CNTNAP5: variants seen among roughly 807,000 people sequenced by gnomAD.
CNTNAP5 encodes the protein contactin-associated protein-like 5.
A neutral mutation model predicts 150.2 loss-of-function variants in CNTNAP5; 72 were observed. That is an observed-to-expected ratio of 0.48 (90% CI 0.40 to 0.58). CNTNAP5 has a LOEUF of 0.58. CNTNAP5 is among the 20% of genes least tolerant of loss of function. The pLI, the probability that CNTNAP5 is intolerant of heterozygous loss-of-function variation, is 0.00. For missense variants in CNTNAP5, 1,636 were observed against 1,626.2 expected, an observed-to-expected ratio of 1.01 and a Z score of -0.10; for synonymous variants, 672 against 619.8, an observed-to-expected ratio of 1.08 and a Z score of -1.25.
intron 6 of CNTNAP5, among the ~76,000 whole-genome samples, chr2:124,448,503 C>G (rs1278723887): frequency 1.3e-5 from 2 of 152,054 alleles, no homozygotes; most frequent in Non-Finnish European, 2.9e-5. Flanking sequence ...TCAGTGAAAT[C>G]CCGTTGACAG....
intron 13 of CNTNAP5, among the ~76,000 whole-genome samples, chr2:124,707,680 G>T (rs1679720058): frequency 6.6e-6 from 1 of 152,078 alleles, no homozygotes; most frequent in Non-Finnish European, 1.5e-5. Context: ...TTCTGCAGTG[G>T]CTCAACCCAT....
intron 1 of CNTNAP5, among the ~76,000 whole-genome samples, chr2:124,157,328 C>T (rs1684569556): frequency 6.6e-6 from 1 of 152,100 alleles, no homozygotes; most frequent in Admixed American, 6.6e-5. Flanking sequence ...TGGAGTAATT[C>T]ATATAAAAAT....
At chr2:124,274,221 G>C (rs930178038) in intron 3 of CNTNAP5, among the ~76,000 whole-genome samples, 3 of 152,122 alleles carry the variant, frequency 2.0e-5, no homozygotes, top group African/African-American at 2.4e-5. Context: ...ACTAGCCATA[G>C]GTCAGGTGCT....
chr2:124,481,301 C>G (rs1030390250), intron 7 of CNTNAP5, among the ~76,000 whole-genome samples: 9 of 152,176 alleles, frequency 5.9e-5, no homozygotes, highest in African/African-American at 2.2e-4. Flanking sequence ...GATGAAATTT[C>G]AATATATGAA....
intron 7 of CNTNAP5, among the ~76,000 whole-genome samples, chr2:124,482,941 A>G (rs915974680): frequency 6.6e-6 from 1 of 152,218 alleles, no homozygotes; most frequent in African/African-American, 2.4e-5. Context: ...TGTCCTACAT[A>G]TAAAAGTTTG....
chr2:124,863,470 T>G (rs1677566512), intron 19 of CNTNAP5, among the ~76,000 whole-genome samples: 1 of 152,172 alleles, frequency 6.6e-6, no homozygotes, highest in Non-Finnish European at 1.5e-5. Context: ...TCCGGAAATC[T>G]GCGTGGTCAG....
chr2:124,566,161 T>C (rs191856674), intron 11 of CNTNAP5, among the ~76,000 whole-genome samples: 272 of 151,586 alleles, frequency 1.8e-3, no homozygotes, highest in African/African-American at 6.0e-3. Context: ...GCTGTCCAGA[T>C]TGTAACGTCA....
intron 1 of CNTNAP5, among the ~76,000 whole-genome samples, chr2:124,087,658 G>T (rs572305033): frequency 4.0e-5 from 6 of 151,778 alleles, no homozygotes; most frequent in Non-Finnish European, 8.8e-5. Context: ...GGAGGCGGAG[G>T]TTACAGTGAG....
rs748947523 is a variant in CNTNAP5, at chr2:124,502,887, C to A, written c.1063-1405C>A. On this transcript the variant is annotated intron_variant, in intron 7 of 23. Transcript: ENST00000682447. Reference sequence around the variant, plus strand: ...AAACATGGGTTTGTCTCCCATGTTTCCTGCTAACTAGGCACATGGCTTTTG... The same window carrying A: ...AAACATGGGTTTGTCTCCCATGTTTACTGCTAACTAGGCACATGGCTTTTG... Among the ~76,000 whole-genome samples, 106 of 152,158 alleles carry A rather than the reference C, an allele frequency of 7.0e-4. 2 individuals are homozygous for A. Among genetic ancestry groups the A allele is most frequent in the Non-Finnish European group, 1.3e-4 (9 of 68,038 alleles).
chr2:124,913,440 C>A (rs189548490), intron 23 of CNTNAP5, among the ~76,000 whole-genome samples: 59 of 152,122 alleles, frequency 3.9e-4, no homozygotes, highest in African/African-American at 1.3e-3. Flanking sequence ...AAAGGGGAAT[C>A]TGATGGGTCT....
At chr2:124,222,729 T>G (rs1408280284) in intron 2 of CNTNAP5, among the ~76,000 whole-genome samples, 1 of 85,994 alleles carries the variant, frequency 1.2e-5, no homozygotes, top group Non-Finnish European at 2.2e-5. Flanking sequence ...GGTCGTTGTG[T>G]TTTTTTTTTT....
intron 11 of CNTNAP5, among the ~76,000 whole-genome samples, chr2:124,599,647 G>T (rs2104971482): frequency 6.6e-6 from 1 of 152,270 alleles, no homozygotes; most frequent in South Asian, 2.1e-4. Context: ...CCAGTGAGAT[G>T]ATTTGTTCTT....
intron 7 of CNTNAP5, among the ~76,000 whole-genome samples, chr2:124,480,716 G>A (rs1377678054): frequency 6.6e-6 from 1 of 152,104 alleles, no homozygotes; most frequent in African/African-American, 2.4e-5. Context: ...TTGATCGAAG[G>A]AATCATTTGA....
rs72965814 is a variant in CNTNAP5 at position 124,917,799 on chromosome 2, T to C, written c.*3511T>C. The stretch of plus-strand genomic sequence containing the variant: ...GCCCTTGGGGAGCTCAAAGTCTAGC[T>C]GGCAAGGCATGTATTGTTGCAACAG... On this transcript the variant is annotated 3_prime_UTR_variant, in exon 24 of 24. Coordinates refer to ENST00000682447, the MANE Select transcript of CNTNAP5 (RefSeq NM_001367498.1). 0.031 allele frequency among the ~76,000 whole-genome samples: 4,737 copies of C among 152,148 alleles called. 268 individuals are homozygous for C. Among genetic ancestry groups the C allele is most frequent in the African/African-American group, 0.11 (4,441 of 41,524 alleles).
At chr2:124,375,133 T>C (rs931200698) in intron 3 of CNTNAP5, among the ~76,000 whole-genome samples, 3 of 152,038 alleles carry the variant, frequency 2.0e-5, no homozygotes, top group Non-Finnish European at 4.4e-5. Context: ...ACAGTAATAA[T>C]GGTCGCAATA....
intron 2 of CNTNAP5, among the ~76,000 whole-genome samples, chr2:124,223,084 A>G (rs2104742454): frequency 6.6e-6 from 1 of 152,268 alleles, no homozygotes; most frequent in South Asian, 2.1e-4. Flanking sequence ...TAGTCCTCAC[A>G]AAGTTGTTGC....
chr2:124,149,332 A>C (rs1684343440), intron 1 of CNTNAP5, among the ~76,000 whole-genome samples: 1 of 150,260 alleles, frequency 6.7e-6, no homozygotes, highest in African/African-American at 2.5e-5. Flanking sequence ...TTACAAAAAA[A>C]GGATCACTAG....
intron 13 of CNTNAP5, among the ~76,000 whole-genome samples, chr2:124,693,267 A>G (rs2105081380): frequency 6.6e-6 from 1 of 152,270 alleles, no homozygotes; most frequent in African/African-American, 2.4e-5. Flanking sequence ...TTTTATAATC[A>G]AAATGTATTC....
Position 124,358,912 on chromosome 2 carries a change from C to T in CNTNAP5, c.382-58531C>T, listed in dbSNP as rs9798045. Among the ~76,000 whole-genome samples, 877 of 148,662 alleles carry T rather than the reference C, an allele frequency of 5.9e-3. 2 individuals carry two copies. The highest frequency in any genetic ancestry group is 0.026 in the East Asian group (129 of 5,054). ...TCCTCCTTGTACCTCTGGTAGAATT[C>T]GGCTGTGAATCCATCTGGTCCTGGA... On this transcript the variant is annotated intron_variant, in intron 3 of 23. Transcript: ENST00000682447.
Sources: allele counts gnomAD v4.1 joint callset (sites outside exome capture counted in the v4.1 genomes callset), GRCh38; gene constraint gnomAD v4.1.1; transcripts MANE v1.5; gene names NCBI Gene and HGNC (gene_info 2026-07-23, HGNC 2026-07-21).